Variants in EYS observed in about 807,000 individuals in gnomAD.
The protein encoded by EYS is protein eyes shut homolog.
EYS carries 250 observed loss-of-function variants against 282.1 expected under a neutral mutation model. The observed-to-expected ratio is 0.89, with a 90% CI of 0.80 to 0.98. The LOEUF (loss-of-function observed/expected upper bound fraction) is 0.98, where lower values mean the gene tolerates loss of function less well. EYS is among the 50% of genes least tolerant of loss of function. EYS has a pLI of 0.00. For synonymous variants in EYS, 1,355 were observed against 1,282.9 expected (o/e 1.06, Z -1.20); for missense variants, 4,016 against 3,709.0 (o/e 1.08, Z -2.15).
chr6:64,784,580 A>G (rs1391580162), intron 22 of EYS, among the ~76,000 whole-genome samples: 1 of 152,124 alleles, frequency 6.6e-6, no homozygotes, highest in Non-Finnish European at 1.5e-5. Flanking sequence ...CTGGCACATC[A>G]TAAACCTCAA....
chr6:65,497,047 A>G (rs1309144773), intron 2 of EYS, among the ~76,000 whole-genome samples: 1 of 152,086 alleles, frequency 6.6e-6, no homozygotes, highest in African/African-American at 2.4e-5. Flanking sequence ...TACAACTTCT[A>G]CATAATTCAA....
At chr6:64,924,346 G>A (rs1252231178) in intron 15 of EYS, among the ~76,000 whole-genome samples, 1 of 152,160 alleles carries the variant, frequency 6.6e-6, no homozygotes, top group African/African-American at 2.4e-5. Flanking sequence ...TGGTGACCCT[G>A]GGCCCAGCCC....
At chr6:65,405,504 T>G in intron 5 of EYS, 137 bp from the exon 6 acceptor site, 4 of 707,890 alleles carry the variant, frequency 5.7e-6, no homozygotes, top group Non-Finnish European at 9.4e-6. Context: ...TGTATTGCAG[T>G]GTAAGTTATA....
intron 34 of EYS, 127 bp from the exon 35 acceptor site, chr6:63,984,730 T>C: frequency 1.3e-6 from 1 of 759,992 alleles, no homozygotes; most frequent in South Asian, 1.7e-5. Flanking sequence ...AGGTTGCTAT[T>C]GTTGGCTAGT....
chr6:64,072,843 ATAGTG>A (rs1771640247), intron 32 of EYS, among the ~76,000 whole-genome samples: 1 of 151,992 alleles, frequency 6.6e-6, no homozygotes, highest in African/African-American at 2.4e-5. Flanking sequence ...AATAGGATAT[ATAGTG>A]TAGGGTAGAA....
intron 30 of EYS, among the ~76,000 whole-genome samples, chr6:64,284,722 C>G (rs1199957132): frequency 6.6e-6 from 1 of 152,174 alleles, no homozygotes; most frequent in African/African-American, 2.4e-5. Flanking sequence ...GTTCCCAAAC[C>G]CCAATTCTTG....
intron 30 of EYS, among the ~76,000 whole-genome samples, chr6:64,281,696 T>C (rs1768314860): frequency 6.6e-6 from 1 of 152,118 alleles, no homozygotes. Context: ...TGGTCATTTC[T>C]AGTCCACACA....
chr6:64,207,388 C>G (rs747534754), intron 31 of EYS, among the ~76,000 whole-genome samples: 2 of 152,044 alleles, frequency 1.3e-5, no homozygotes, highest in Non-Finnish European at 2.9e-5. Context: ...AATCTCTTTT[C>G]TTTATAAATT....
At chr6:65,128,677 A>G (rs762136247) in intron 12 of EYS, among the ~76,000 whole-genome samples, 18 of 152,116 alleles carry the variant, frequency 1.2e-4, no homozygotes, top group Non-Finnish European at 2.5e-4. Flanking sequence ...ACACAAATAA[A>G]TGGAGAAACA....
At chr6:64,937,660 GAC>G (rs1768955365) in intron 15 of EYS, among the ~76,000 whole-genome samples, 1 of 151,552 alleles carries the variant, frequency 6.6e-6, no homozygotes, top group African/African-American at 2.4e-5. Context: ...TGGAGAAGTT[GAC>G]ACTCTCATAC....
intron 5 of EYS, among the ~76,000 whole-genome samples, chr6:65,481,220 T>C (rs936109343): frequency 1.3e-5 from 2 of 152,268 alleles, no homozygotes; most frequent in South Asian, 4.1e-4. Flanking sequence ...TATCACTCTG[T>C]ATCTTATAAA....
intron 12 of EYS, among the ~76,000 whole-genome samples, chr6:65,187,589 G>A (rs1399064923): frequency 6.6e-6 from 1 of 151,436 alleles, no homozygotes; most frequent in African/African-American, 2.4e-5. Flanking sequence ...TTATTATTTT[G>A]TGTTTGCTAT....
rs990135145 is a variant in EYS, at chr6:63,874,866, T to G, written c.7056-10508A>C. Among the ~76,000 whole-genome samples the G allele has an allele frequency of 4.6e-5, 7 of 152,352 alleles. No individual in the cohort carries two copies. In the East Asian group the frequency reaches 1.2e-3, roughly 25 times the overall value. On this transcript the variant is annotated intron_variant, in intron 35 of 42. Transcript: ENST00000503581. ...AAGTTGCTTATCAGCCTAAGGAGAT[T>G]GTGGGCTGAGATGATGGAGTTTTCT...
At chr6:64,098,097 A>G (rs1452483023) in intron 31 of EYS, among the ~76,000 whole-genome samples, 3 of 152,220 alleles carry the variant, frequency 2.0e-5, no homozygotes, top group African/African-American at 7.2e-5. Flanking sequence ...TGTACAACAC[A>G]TTGGAAAACT....
chr6:65,289,363 A>G (rs1165744823), intron 12 of EYS, among the ~76,000 whole-genome samples: 2 of 150,942 alleles, frequency 1.3e-5, no homozygotes, highest in African/African-American at 4.8e-5. Context: ...AATAGATGTA[A>G]ATGTTATATA....
intron 1 of EYS, among the ~76,000 whole-genome samples, chr6:65,689,382 G>A (rs1378547391): frequency 6.7e-6 from 1 of 149,686 alleles, no homozygotes; most frequent in Non-Finnish European, 1.5e-5. Flanking sequence ...TGTGGAGTGG[G>A]GGTAGGGGGG....
At chr6:64,254,640 C>T (rs991959072) in intron 30 of EYS, among the ~76,000 whole-genome samples, 1 of 152,010 alleles carries the variant, frequency 6.6e-6, no homozygotes, top group Non-Finnish European at 1.5e-5. Flanking sequence ...TTCCCTGGGC[C>T]CAGGGATGGT....
rs559843691 is a variant in EYS, at chr6:65,403,982, G to T, written c.1056+1192C>A. On this transcript the variant is annotated intron_variant, in intron 6 of 42. Transcript: ENST00000503581. ...CAAATTCTTACAAACTTAGTAGCTT[G>T]AAGCAACAACAACAACAAAAAATCA... Among the ~76,000 whole-genome samples, 6 of 152,084 alleles carry T rather than the reference G, an allele frequency of 3.9e-5. No homozygotes were observed. The South Asian group carries it at 1.2e-3, about 32-fold the overall frequency.
At chr6:64,135,844 G>A (rs1477663942) in intron 31 of EYS, among the ~76,000 whole-genome samples, 1 of 152,070 alleles carries the variant, frequency 6.6e-6, no homozygotes, top group Admixed American at 6.6e-5. Context: ...GGAGGGTCTT[G>A]ATGTTGACAG....
Sources: gnomAD v4.1 joint callset for allele counts (sites outside exome capture counted in the v4.1 genomes callset) on GRCh38, gnomAD v4.1.1 for gene constraint, MANE v1.5 for transcripts, NCBI Gene and HGNC (gene_info 2026-07-23, HGNC 2026-07-21) for gene names.